ULK4: variants seen among roughly 807,000 people sequenced by gnomAD.
The protein encoded by ULK4 is inactive serine/threonine-protein kinase ULK4.
ULK4 carries 133 observed loss-of-function variants against 160.6 expected under a neutral mutation model. The ratio of observed to expected loss-of-function variants is 0.83; its 90% CI spans 0.72 to 0.96. The LOEUF is 0.96. Ranked by LOEUF, ULK4 falls within the 40% of genes least tolerant of loss-of-function variation. The probability of loss-of-function intolerance (pLI) is 0.00; values close to 1 mark genes in which losing one functional copy is unlikely to be tolerated. For synonymous variants in ULK4, 534 were observed against 539.8 expected, an observed-to-expected ratio of 0.99 and a Z score of 0.15; for missense variants, 1,580 against 1,499.5, an observed-to-expected ratio of 1.05 and a Z score of -0.89.
intron 27 of ULK4, among the ~76,000 whole-genome samples, chr3:41,689,641 C>A (rs1205033432): frequency 1.3e-5 from 2 of 152,142 alleles, no homozygotes; most frequent in African/African-American, 4.8e-5. Context: ...GACATGAATA[C>A]ACACTTCTCA....
intron 32 of ULK4, among the ~76,000 whole-genome samples, chr3:41,548,842 T>A (rs374529615): frequency 6.6e-6 from 1 of 152,172 alleles, no homozygotes; most frequent in African/African-American, 2.4e-5. Flanking sequence ...AGGAACAGCC[T>A]GGGTGGCATC....
intron 35 of ULK4, among the ~76,000 whole-genome samples, chr3:41,284,484 T>C (rs1189651618): frequency 6.6e-6 from 1 of 151,794 alleles, no homozygotes; most frequent in Non-Finnish European, 1.5e-5. Flanking sequence ...AACAAAAACA[T>C]AAAGAGGGGA....
At chr3:41,898,520 T>A (rs746617467) in intron 13 of ULK4, 28 bp from the exon 14 acceptor site, 1 of 1,454,726 alleles carries the variant, frequency 6.9e-7, no homozygotes, top group Non-Finnish European at 9.5e-7. Context: ...AGAAAGCTTT[T>A]GAGACAATTT....
chr3:41,948,211 G>A (rs1700171516), intron 2 of ULK4, among the ~76,000 whole-genome samples: 1 of 152,270 alleles, frequency 6.6e-6, no homozygotes, highest in Admixed American at 6.5e-5. Flanking sequence ...GGCATTTCGG[G>A]AGGTCGAGGT....
At chr3:41,305,192 C>CTCTCCCTCACCCCACGG in intron 35 of ULK4, among the ~76,000 whole-genome samples, 1 of 109,700 alleles carries the variant, frequency 9.1e-6, no homozygotes, top group East Asian at 2.4e-4. Flanking sequence ...AGGGCTCTCC[C>CTCTCCCTCACCCCACGG]TCTCCCTCTC....
intron 32 of ULK4, among the ~76,000 whole-genome samples, chr3:41,493,285 G>C (rs7430270): frequency 0.37 from 48,068 of 131,666 alleles, 9,450 homozygotes; most frequent in African/African-American, 0.39. Flanking sequence ...CACTGAAAAC[G>C]GCTCAACTGC....
chr3:41,769,485 T>A (rs1476567249), intron 21 of ULK4, among the ~76,000 whole-genome samples: 1 of 152,218 alleles, frequency 6.6e-6, no homozygotes, highest in African/African-American at 2.4e-5. Context: ...AAATTCATCT[T>A]GTCATACAGC....
chr3:41,905,988 C>A (rs6784058), intron 12 of ULK4, among the ~76,000 whole-genome samples: 2 of 151,984 alleles, frequency 1.3e-5, no homozygotes, highest in African/African-American at 4.8e-5. Context: ...GAGTCCGAGG[C>A]GGGCGGATCA....
chr3:41,382,870 G>C (rs1464452834), intron 35 of ULK4, among the ~76,000 whole-genome samples: 1 of 152,010 alleles, frequency 6.6e-6, no homozygotes, highest in African/African-American at 2.4e-5. Context: ...TCTTGCTAAG[G>C]AAAGAGATAT....
At chr3:41,258,965 T>C (rs1414969391) in intron 35 of ULK4, among the ~76,000 whole-genome samples, 1 of 150,114 alleles carries the variant, frequency 6.7e-6, no homozygotes, top group African/African-American at 2.4e-5. Context: ...TATATATACA[T>C]ATATGTGTAT....
intron 8 of ULK4, among the ~76,000 whole-genome samples, chr3:41,914,212 AT>A (rs1044807929): frequency 9.2e-5 from 14 of 152,368 alleles, no homozygotes; most frequent in African/African-American, 3.1e-4. Flanking sequence ...AAAGAAAAGA[AT>A]TTATAGTCGA....
intron 32 of ULK4, among the ~76,000 whole-genome samples, chr3:41,507,578 A>AAAAAC (rs1466040430): frequency 1.5e-4 from 23 of 149,704 alleles, no homozygotes; most frequent in Non-Finnish European, 3.4e-4. Context: ...TTCCCACGGT[A>AAAAAC]AAAACAGCTG....
chr3:41,841,023 C>T (rs139183692), intron 17 of ULK4, among the ~76,000 whole-genome samples: 9,973 of 145,484 alleles, frequency 0.069, 1,002 homozygotes, highest in African/African-American at 0.24. Context: ...TCTGCCCGGC[C>T]GCCCCGTCTG....
chr3:41,312,836 A>T (rs1325518773), intron 35 of ULK4, among the ~76,000 whole-genome samples: 1 of 152,090 alleles, frequency 6.6e-6, no homozygotes, highest in Non-Finnish European at 1.5e-5. Flanking sequence ...TAATCAACCA[A>T]ACAAAAAAAC....
intron 35 of ULK4, among the ~76,000 whole-genome samples, chr3:41,328,191 G>A (rs557847080): frequency 1.8e-4 from 28 of 152,336 alleles, no homozygotes; most frequent in Admixed American, 1.4e-3. Context: ...ATTATGGGGA[G>A]TTCTCAGCAG....
rs1376824127 is a variant in ULK4 at position 41,633,656 on chromosome 3, G to C, written c.3072-17939C>G. Among the ~76,000 whole-genome samples, 2 of 152,126 alleles carry C rather than the reference G, an allele frequency of 1.3e-5. 1 individual carries two copies. The highest frequency in any genetic ancestry group is 4.8e-5 in the African/African-American group (2 of 41,434). ...GAAAATGAAAAAGGACTGGGAACAT[G>C]ATCAGTTAGCAGATTATGACTAATC... On this transcript the variant is annotated intron_variant, in intron 30 of 36. Coordinates refer to ENST00000301831, the MANE Select transcript of ULK4 (RefSeq NM_017886.4).
At chr3:41,397,467 T>C (rs952873884) in intron 35 of ULK4, among the ~76,000 whole-genome samples, 6 of 152,138 alleles carry the variant, frequency 3.9e-5, no homozygotes, top group African/African-American at 1.4e-4. Context: ...CCTCTGGATA[T>C]GATGGATTGA....
intron 19 of ULK4, among the ~76,000 whole-genome samples, 189 bp from the exon 20 acceptor site, chr3:41,800,482 A>G (rs2040425588): frequency 6.6e-6 from 1 of 152,210 alleles, no homozygotes; most frequent in East Asian, 1.9e-4. Flanking sequence ...TTGGTTATTC[A>G]CTAGCAAGCT....
chr3:41,570,756 T>C (rs2087944982), intron 31 of ULK4, among the ~76,000 whole-genome samples: 1 of 152,146 alleles, frequency 6.6e-6, no homozygotes, highest in African/African-American at 2.4e-5. Context: ...GGTACTTCCT[T>C]CAATACAAAA....
Sources: gnomAD v4.1 joint callset for allele counts (sites outside exome capture counted in the v4.1 genomes callset) on GRCh38, gnomAD v4.1.1 for gene constraint, MANE v1.5 for transcripts, NCBI Gene and HGNC (gene_info 2026-07-23, HGNC 2026-07-21) for gene names.